Variants in TEPSIN observed in about 807,000 individuals in gnomAD.
The protein encoded by TEPSIN is AP-4 complex accessory subunit tepsin.
In TEPSIN, 50 loss-of-function variants were observed where a neutral mutation model predicts 48.5. The ratio of observed to expected loss-of-function variants is 1.03; its 90% CI spans 0.82 to 1.31. The LOEUF (loss-of-function observed/expected upper bound fraction) is 1.31, where lower values mean the gene tolerates loss of function less well. Ranked by LOEUF, TEPSIN falls within the 50% of genes most tolerant of loss-of-function variation. The pLI is 0.00. For synonymous variants in TEPSIN, 392 were observed against 358.8 expected (o/e 1.09, Z -1.05); for missense variants, 838 against 815.9 (o/e 1.03, Z -0.33).
chr17:81,237,376 A>G lies in TEPSIN; in HGVS notation c.121+11T>C, dbSNP rs1342642676. 2.5e-6 allele frequency: 4 copies of G among 1,610,136 alleles called. No homozygotes were observed. The highest frequency in any genetic ancestry group is 3.4e-6 in the Non-Finnish European group (4 of 1,178,686). ...CTCTTTCCACTACACGGGGACATCA[A>G]GGAAGGATACTAGCAATCTCTTCAA... On this transcript the variant is annotated intron_variant, in intron 2 of 12. Coordinates refer to ENST00000637944, the MANE Select transcript of TEPSIN (RefSeq NM_001363764.2).
chr17:81,237,203 C>A (rs1026538746), intron 2 of TEPSIN, 132 bp from the exon 3 acceptor site: 2 of 1,190,268 alleles, frequency 1.7e-6, no homozygotes, highest in East Asian at 5.1e-5. Flanking sequence ...TCAGGAGCAC[C>A]TGGGCTTCTA....
At chr17:81,236,091 A>G (rs1224345311) in intron 4 of TEPSIN, among the ~76,000 whole-genome samples, 1 of 152,156 alleles carries the variant, frequency 6.6e-6, no homozygotes, top group Non-Finnish European at 1.5e-5. Context: ...CCTCCACCCC[A>G]TGGAAGATCT....
At chr17:81,238,505 G>C in intron 1 of TEPSIN, 1 of 630,054 alleles carries the variant, frequency 1.6e-6, no homozygotes, top group Non-Finnish European at 2.0e-6. Flanking sequence ...TTTACTAAGA[G>C]GGGCTTACAA....
intron 12 of TEPSIN, 66 bp from the exon 13 acceptor site, chr17:81,229,542 C>T (rs776405993): frequency 3.7e-4 from 560 of 1,503,676 alleles, no homozygotes; most frequent in Non-Finnish European, 4.8e-4. Flanking sequence ...GACCAGGGCC[C>T]GCTTCTCCCT....
At position 81,229,386 on chromosome 17, in the gene TEPSIN, G is replaced by A; in HGVS notation, c.1324C>T (p.Pro442Ser). ...ACAGCGTCGGTCAGCAGGTCAGATG[G>A]GCCTGGGAGGGCGGCTGTGGGGCCA... ...EPGPTAALPG[P>S]SDLLTDAVPL... Residue 442 changes from proline to serine, a missense_variant, in exon 13 of 13, where the codon CCA becomes TCA. Coordinates refer to ENST00000637944, the MANE Select transcript of TEPSIN (RefSeq NM_001363764.2). The A allele has an allele frequency of 1.3e-6, 2 of 1,553,002 alleles. No individual in the cohort carries two copies. Among genetic ancestry groups the A allele is most frequent in the Non-Finnish European group, 1.7e-6 (2 of 1,148,866 alleles).
Position 81,230,231 on chromosome 17 carries a change from C to T in TEPSIN, c.1233+313G>A, listed in dbSNP as rs796626441. The T allele has an allele frequency of 1.1e-4, 43 of 376,318 alleles. No homozygotes were observed. The highest frequency in any genetic ancestry group is 7.7e-4 in the African/African-American group (36 of 46,950). The allele number at this position is 376,318 out of a possible 1,614,324, so 23.3% of individuals were successfully genotyped here. ...CTGCATGTGCAGTCAGGGAGGGCTT[C>T]CTGGAAGAGGTAAGTGTGAGGCCAA... On this transcript the variant is annotated intron_variant, in intron 12 of 12. Coordinates refer to ENST00000637944, the MANE Select transcript of TEPSIN (RefSeq NM_001363764.2). The surrounding 1 kb of genome is among the most constrained non-coding windows in gnomAD (Gnocchi z 4.2).
intron 9 of TEPSIN, 21 bp downstream of exon 9, chr17:81,231,826 T>C: frequency 1.2e-6 from 2 of 1,611,554 alleles, no homozygotes; most frequent in Non-Finnish European, 1.7e-6. Flanking sequence ...CTCTCCCACA[T>C]ATCTGGCAGC....
chr17:81,230,289 T>G lies in TEPSIN; in HGVS notation c.1233+255A>C. 1 of 500,144 alleles carries G rather than the reference T, an allele frequency of 2.0e-6. No individual in the cohort carries two copies. Among genetic ancestry groups the G allele is most frequent in the Non-Finnish European group, 3.5e-6 (1 of 282,700 alleles). The allele number at this position is 500,144 out of a possible 1,614,324, so 31.0% of individuals were successfully genotyped here. ...GGGCAGGAACATTAAGGCAGCGGAGTCTGGGGGCTTCCAGGAATAGGTAGA... is the reference window on the plus strand; with the variant it reads ...GGGCAGGAACATTAAGGCAGCGGAGGCTGGGGGCTTCCAGGAATAGGTAGA... On this transcript the variant is annotated intron_variant, in intron 12 of 12. Transcript: ENST00000637944. This position sits in a 1 kb window ranked among gnomAD's most constrained non-coding sequence, Gnocchi z 4.2.
chr17:81,233,986 C>T lies in TEPSIN; in HGVS notation c.370G>A (p.Ala124Thr), dbSNP rs771993962. ...GACACTGCTCCTGGGCTCACCTGCG[C>T]GGCCGCGCGAACCTTCTGGTACAAG... Reference protein sequence around the residue: ...NSLYQKVRAAAQDLGSTLFSD... With the variant: ...NSLYQKVRAATQDLGSTLFSD... The change falls in exon 5 of 13, where the codon GCG (alanine) becomes ACG (threonine). Residue 124 changes from alanine (A) to threonine (T), a missense_variant. Ala to Thr is a moderately conservative substitution (Grantham distance 58, BLOSUM62 0). Coordinates refer to ENST00000637944, the MANE Select transcript of TEPSIN (RefSeq NM_001363764.2). This position sits in a 1 kb window ranked among gnomAD's most constrained non-coding sequence, Gnocchi z 5.8. 1.3e-5 allele frequency: 21 copies of T among 1,598,986 alleles called. No homozygotes were observed. Among genetic ancestry groups the T allele is most frequent in the African/African-American group, 5.4e-5 (4 of 73,868 alleles).
intron 1 of TEPSIN, chr17:81,237,845 C>G (rs1014461661): frequency 2.0e-6 from 1 of 507,684 alleles, no homozygotes; most frequent in Non-Finnish European, 2.7e-6. Context: ...CTTTTCCACA[C>G]AGGGGACTAT....
chr17:81,238,911 C>T, intron 1 of TEPSIN, 75 bp downstream of exon 1: 1 of 1,387,628 alleles, frequency 7.2e-7, no homozygotes, highest in Non-Finnish European at 9.3e-7. Context: ...TGGCTCCGGC[C>T]CGGGGCGAGT....
Position 81,239,011 on chromosome 17 carries a change from C to A in TEPSIN, c.23G>T (p.Arg8Leu). 6.7e-7 allele frequency: 1 copy of A among 1,489,718 alleles called. No homozygotes were observed. The highest frequency in any genetic ancestry group is 8.9e-7 in the Non-Finnish European group (1 of 1,124,980). 92.3% of individuals were successfully genotyped at this position (1,489,718 alleles called of 1,614,324 possible). A position where few individuals can be genotyped will look rare whatever the true frequency, so the allele number is the denominator to read the frequency against. Residue 8 changes from arginine (R) to leucine (L), a missense_variant, in exon 1 of 13, where the codon CGG (arginine) becomes CTG (leucine). Arg to Leu is a moderately radical substitution (Grantham distance 102, BLOSUM62 -2). Transcript: ENST00000637944. MAAAPPL[R>L]DRLSFLHRLP... is the part of the protein sequence containing the mutation. Reference sequence around the variant, plus strand: ...CCGGTGTAGAAAGCTCAGGCGGTCCCGTAGCGGCGGCGCGGCAGCCATGAT... The same window carrying A: ...CCGGTGTAGAAAGCTCAGGCGGTCCAGTAGCGGCGGCGCGGCAGCCATGAT...
chr17:81,228,774 G>A lies in TEPSIN; in HGVS notation c.*154C>T. Reference sequence around the variant, plus strand: ...CAAGTCCAAATAGCCAGAGCCTCTGGCAGAGGAGATGGGGGAAACTGAGGT... The same window carrying A: ...CAAGTCCAAATAGCCAGAGCCTCTGACAGAGGAGATGGGGGAAACTGAGGT... On this transcript the variant is annotated 3_prime_UTR_variant, in exon 13 of 13. Coordinates refer to ENST00000637944, the MANE Select transcript of TEPSIN (RefSeq NM_001363764.2). 1.1e-6 allele frequency: 1 copy of A among 891,518 alleles called. No individual in the cohort carries two copies. Among genetic ancestry groups the A allele is most frequent in the African/African-American group, 1.7e-5 (1 of 58,496 alleles). The allele number at this position is 891,518 out of a possible 1,614,324, so 55.2% of individuals were successfully genotyped here.
In TEPSIN at chr17:81,237,137, G is replaced by A. The variant is rs2062738121; in HGVS notation, c.122-66C>T. ...GCTGCGCCAGGCCGCAGGGAGACCA[G>A]GCCATGGGGCCTCTCAGTTCACGCT... On this transcript the variant is annotated intron_variant, in intron 2 of 12. Transcript: ENST00000637944. 7 of 1,471,240 alleles carry A rather than the reference G, an allele frequency of 4.8e-6. No individual in the cohort carries two copies. The Admixed American group carries it at 1.0e-4, about 21-fold the overall frequency. 91.1% of individuals were successfully genotyped at this position (1,471,240 alleles called of 1,614,324 possible).
chr17:81,231,879 C>A lies in TEPSIN; in HGVS notation c.873G>T (p.Gly291=), dbSNP rs761481735. Residue 291 remains glycine, a synonymous_variant, in exon 9 of 13, where the codon GGG becomes GGT. Coordinates refer to ENST00000637944, the MANE Select transcript of TEPSIN (RefSeq NM_001363764.2). The part of the protein sequence containing the change: ...GSHSGSDSHS[G]ASREPGDLAE... ...CCAGGTCACCCGGCTCCCGGCTGGC[C>A]CCTGAATGGCTGTCGCTGCCGGAAT... 6.2e-7 allele frequency: 1 copy of A among 1,613,636 alleles called. No individual in the cohort carries two copies. The highest frequency in any genetic ancestry group is 2.2e-5 in the East Asian group (1 of 44,878).
At position 81,230,755 on chromosome 17, in the gene TEPSIN, C is replaced by T. The variant is rs2062578871; in HGVS notation, c.1099-77G>A. On this transcript the variant is annotated intron_variant, in intron 11 of 12. Transcript: ENST00000637944. The surrounding 1 kb of genome is among the most constrained non-coding windows in gnomAD (Gnocchi z 4.2). ...CAGGGAGGCCTATTTGGCCATCTCT[C>T]TCCCTCTTCTTCCTCCTCATCAATG... The T allele has an allele frequency of 1.4e-6, 2 of 1,440,272 alleles. No homozygotes were observed. The highest frequency in any genetic ancestry group is 2.6e-5 in the East Asian group (1 of 39,074). The allele number at this position is 1,440,272 out of a possible 1,614,324, so 89.2% of individuals were successfully genotyped here. A position where few individuals can be genotyped will look rare whatever the true frequency, so the allele number is the denominator to read the frequency against.
chr17:81,233,469 G>T lies in TEPSIN; in HGVS notation c.489C>A (p.Leu163=), dbSNP rs1450912476. Residue 163 remains leucine, a synonymous_variant, in exon 7 of 13, where the codon CTC becomes CTA. Coordinates refer to ENST00000637944, the MANE Select transcript of TEPSIN (RefSeq NM_001363764.2). The surrounding 1 kb of genome is among the most constrained non-coding windows in gnomAD (Gnocchi z 5.8). ...MGSQARPHST[L]QGFGYSKEHG... is the part of the protein sequence containing the mutation. ...GTTCCTTGCTGTAGCCGAAACCCTG[G>T]AGGGTGCTGTGCGGCCTGGCCTGGG... 3.1e-6 allele frequency: 5 copies of T among 1,610,344 alleles called. No homozygotes were observed. The highest frequency in any genetic ancestry group is 4.2e-6 in the Non-Finnish European group (5 of 1,178,822).
rs765026881 is a variant in TEPSIN, at chr17:81,237,061, G to A, written c.132C>T (p.His44=). The A allele has an allele frequency of 2.5e-6, 4 of 1,592,818 alleles. No individual in the cohort carries two copies. Among genetic ancestry groups the A allele is most frequent in the South Asian group, 1.1e-5 (1 of 88,070 alleles). ...YLFEEIAKIS[H]ESPGSSQCLL... is the part of the protein sequence containing the mutation. ...GGCACTGGCTGCTGCCCGGAGACTC[G>A]TGGGAGATTTCTGCGGCACGCTCGG... Residue 44 remains histidine (H), a synonymous_variant, in exon 3 of 13, where the codon CAC becomes CAT. Coordinates refer to ENST00000637944, the MANE Select transcript of TEPSIN (RefSeq NM_001363764.2).
rs1334621171 is a variant in TEPSIN at position 81,228,972 on chromosome 17, G to A, written c.1738C>T (p.Pro580Ser). 6.2e-7 allele frequency: 1 copy of A among 1,613,842 alleles called. No individual in the cohort carries two copies. Among genetic ancestry groups the A allele is most frequent in the Admixed American group, 1.7e-5 (1 of 60,026 alleles). The change falls in exon 13 of 13, where the codon CCT becomes TCT. Residue 580 changes from proline to serine, a missense_variant. Pro to Ser is a moderately conservative substitution (Grantham distance 74, BLOSUM62 -1). Transcript: ENST00000637944. ...TSSQRTAAKE[P>S]PGSEPSAFAF... ...AAAGCTGACGGCTCTGAGCCAGGAG[G>A]CTCTTTGGCTGCTGTCCTCTGGGAC...
Sources: gnomAD v4.1 joint callset for allele counts (sites outside exome capture counted in the v4.1 genomes callset) on GRCh38, gnomAD v4.1.1 for gene constraint, Gnocchi (gnomAD v3.1) non-coding constraint, MANE v1.5 for transcripts, NCBI Gene and HGNC (gene_info 2026-07-23, HGNC 2026-07-21) for gene names.